The following NPHP3 variants were observed in gnomAD, a reference collection of about 807,000 sequenced individuals.
NPHP3 encodes the protein nephrocystin 3.
Under a neutral mutation model 171.9 loss-of-function variants are expected in NPHP3, and 123 were observed. The observed-to-expected ratio is 0.72, with a 90% CI of 0.62 to 0.83. The LOEUF is 0.83. Among genes scored for constraint, NPHP3 ranks in the 40% least tolerant of loss-of-function variants. The pLI, the probability that NPHP3 is intolerant of heterozygous loss-of-function variation, is 0.00. For missense variants in NPHP3, 1,506 were observed against 1,591.9 expected (o/e 0.95, Z 0.92); for synonymous variants, 558 against 579.2 (o/e 0.96, Z 0.52).
At chr3:132,685,085 G>A (rs1445187613) in intron 23 of NPHP3, 4 of 340,988 alleles carry the variant, frequency 1.2e-5, no homozygotes, top group Non-Finnish European at 2.2e-5. Context: ...AAAATTATTA[G>A]ACCTAGGTCC....
At chr3:132,682,468 T>C in intron 26 of NPHP3, 1 of 575,150 alleles carries the variant, frequency 1.7e-6, no homozygotes, top group Non-Finnish European at 3.1e-6. Context: ...AGATGTAGTA[T>C]AAACCATCCT....
Position 132,713,121 on chromosome 3 carries a change from C to T in NPHP3, c.1118+5G>A. ...TATAATAAATTACATTTTTTTTCAGCTTACCTTGGTAATGTTAAGTGAATA... is the reference window on the plus strand; with the variant it reads ...TATAATAAATTACATTTTTTTTCAGTTTACCTTGGTAATGTTAAGTGAATA... On this transcript the variant is annotated splice_donor_5th_base_variant and intron_variant, in intron 6 of 26. Transcript: ENST00000337331. The T allele has an allele frequency of 2.9e-6, 4 of 1,389,510 alleles. No individual in the cohort carries two copies. Among genetic ancestry groups the T allele is most frequent in the Non-Finnish European group, 4.0e-6 (4 of 1,000,446 alleles). The allele number at this position is 1,389,510 out of a possible 1,614,324, so 86.1% of individuals were successfully genotyped here.
Position 132,704,246 on chromosome 3 carries a change from T to A in NPHP3, c.1476A>T (p.Glu492Asp), listed in dbSNP as rs371254114. 1.6e-4 allele frequency: 266 copies of A among 1,614,098 alleles called. No individual in the cohort carries two copies. Among genetic ancestry groups the A allele is most frequent in the Non-Finnish European group, 2.2e-4 (264 of 1,180,042 alleles). ...WDIHDEQEQM[E>D]TFQQASNSAH... ...CTGAATTAGAAGCCTGCTGAAAAGT[T>A]TCCATTTGCTCTTGTTCATCATGTA... Residue 492 changes from glutamate (E) to aspartate (D), a missense_variant, in exon 9 of 27, where the codon GAA (glutamate) becomes GAT (aspartate). Transcript: ENST00000337331.
At chr3:132,714,366 C>T (rs972603788) in intron 5 of NPHP3, among the ~76,000 whole-genome samples, 4 of 152,112 alleles carry the variant, frequency 2.6e-5, no homozygotes, top group South Asian at 2.1e-4. Flanking sequence ...ATAACTCCAA[C>T]GGCTGCCTTG....
chr3:132,697,221 G>T, intron 14 of NPHP3, 39 bp downstream of exon 14: 1 of 1,281,576 alleles, frequency 7.8e-7, no homozygotes. Flanking sequence ...TAGGAAAGAT[G>T]AGAGAGTAAA....
intron 6 of NPHP3, 54 bp from the exon 7 acceptor site, chr3:132,708,311 T>TA: frequency 6.4e-7 from 1 of 1,562,420 alleles, no homozygotes; most frequent in Non-Finnish European, 8.8e-7. Context: ...CAGCAAGCAG[T>TA]TAGTTAATCA....
chr3:132,715,208 A>G lies in NPHP3; in HGVS notation c.834T>C (p.Asp278=), dbSNP rs1194128096. 1.2e-6 allele frequency: 2 copies of G among 1,611,820 alleles called. No homozygotes were observed. The highest frequency in any genetic ancestry group is 1.7e-6 in the Non-Finnish European group (2 of 1,178,056). ...PFANVNRDDW[D]IAVASLLQVT... ...CTTGTAATAAACTAGCTACAGCAAT[A>G]TCCCAGTCATCTGAAAATAAAATTT... is the stretch of plus-strand genomic sequence containing the variant. The change falls in exon 5 of 27, where the codon GAT becomes GAC. Residue 278 remains aspartate (D), a synonymous_variant. Transcript: ENST00000337331.
rs1278333789 is a variant in NPHP3, at chr3:132,704,268, T to C, written c.1454A>G (p.His485Arg). ...AGTTTCCATTTGCTCTTGTTCATCATGTATGTCCCACAGAACATCACCAAA... is the reference window on the plus strand; with the variant it reads ...AGTTTCCATTTGCTCTTGTTCATCACGTATGTCCCACAGAACATCACCAAA... ...DDFGDVLWDI[H>R]DEQEQMETFQ... The change falls in exon 9 of 27, where the codon CAT becomes CGT. Residue 485 changes from histidine (H) to arginine (R), a missense_variant. His to Arg is a conservative substitution (Grantham distance 29). Around this residue, in one of 3 missense-constraint regions of NPHP3, gnomAD observed 930 missense variants for 924.9 expected, o/e 1.01. Coordinates refer to ENST00000337331, the MANE Select transcript of NPHP3 (RefSeq NM_153240.5). The C allele has an allele frequency of 3.7e-6, 6 of 1,614,100 alleles. No individual in the cohort carries two copies. Among genetic ancestry groups the C allele is most frequent in the Non-Finnish European group, 5.1e-6 (6 of 1,180,042 alleles).
At chr3:132,698,314 G>C (rs1229239064) in intron 13 of NPHP3, among the ~76,000 whole-genome samples, 2 of 151,970 alleles carry the variant, frequency 1.3e-5, no homozygotes, top group Non-Finnish European at 2.9e-5. Flanking sequence ...TTTCACTCTT[G>C]TCGTCCAGGC....
rs758300357 is a variant in NPHP3, at chr3:132,684,597, A to G, written c.3527T>C (p.Leu1176Ser). The G allele has an allele frequency of 6.2e-7, 1 of 1,614,082 alleles. No homozygotes were observed. Among genetic ancestry groups the G allele is most frequent in the Non-Finnish European group, 8.5e-7 (1 of 1,179,930 alleles). Reference sequence around the variant, plus strand: ...GGCAAGATGCTTCACCGTATATGCCAAAGAAGGGTGATCAGGAGCTAATGC... The same window carrying G: ...GGCAAGATGCTTCACCGTATATGCCGAAGAAGGGTGATCAGGAGCTAATGC... ...RRALAPDHPS[L>S]AYTVKHLAIL... The change falls in exon 24 of 27, where the codon TTG becomes TCG. Residue 1176 changes from leucine (L) to serine (S), a missense_variant. Physicochemically the swap from Leu to Ser is moderately radical, Grantham distance 145 (BLOSUM62 -2). Around this residue, in one of 3 missense-constraint regions of NPHP3, gnomAD observed 569 missense variants for 648.1 expected, o/e 0.88. Coordinates refer to ENST00000337331, the MANE Select transcript of NPHP3 (RefSeq NM_153240.5).
At chr3:132,698,710 G>C in intron 13 of NPHP3, among the ~76,000 whole-genome samples, 1 of 152,088 alleles carries the variant, frequency 6.6e-6, no homozygotes, top group East Asian at 1.9e-4. Flanking sequence ...TCGTTACGTG[G>C]AGCTACTCAA....
chr3:132,716,111 T>C (rs1940044212), intron 4 of NPHP3, among the ~76,000 whole-genome samples: 2 of 152,246 alleles, frequency 1.3e-5, no homozygotes, highest in African/African-American at 2.4e-5. Context: ...TAGTATATTT[T>C]ATTTGTGGCC....
At chr3:132,698,637 A>G (rs138982806) in intron 13 of NPHP3, among the ~76,000 whole-genome samples, 12 of 152,224 alleles carry the variant, frequency 7.9e-5, no homozygotes, top group African/African-American at 2.9e-4. Context: ...ACAGGTGTCT[A>G]TTATTCCCAG....
At chr3:132,709,272 CTTTTTTTTTT>C (rs3046397) in intron 6 of NPHP3, among the ~76,000 whole-genome samples, 2 of 76,010 alleles carry the variant, frequency 2.6e-5, no homozygotes, top group African/African-American at 5.5e-5. Flanking sequence ...CTTTCTCTCC[CTTTTTTTTTT>C]TTTTTTTTTT....
At chr3:132,696,376 A>G (rs1007239890) in intron 15 of NPHP3, among the ~76,000 whole-genome samples, 3 of 152,248 alleles carry the variant, frequency 2.0e-5, no homozygotes, top group Non-Finnish European at 4.4e-5. Flanking sequence ...TCATATCCAT[A>G]TATCTACCTC....
rs977896910 is a variant in NPHP3 at position 132,682,787 on chromosome 3, T to G, written c.3728A>C (p.Glu1243Ala). 2 of 1,612,276 alleles carry G rather than the reference T, an allele frequency of 1.2e-6. No homozygotes were observed. Among genetic ancestry groups the G allele is most frequent in the Non-Finnish European group, 1.7e-6 (2 of 1,178,330 alleles). ...KKHVEALPLY[E>A]RALKIYEDSL... ...ATCTTCATAAATCTTTAATGCTCTTTCATATAATGGCAAAGCTTCAACGTG... is the reference window on the plus strand; with the variant it reads ...ATCTTCATAAATCTTTAATGCTCTTGCATATAATGGCAAAGCTTCAACGTG... Residue 1243 changes from glutamate to alanine, a missense_variant, in exon 26 of 27, where the codon GAA (glutamate) becomes GCA (alanine). Physicochemically the swap from Glu to Ala is moderately radical, Grantham distance 107. Transcript: ENST00000337331.
chr3:132,685,165 T>C (rs1187211542), intron 23 of NPHP3: 5 of 246,560 alleles, frequency 2.0e-5, no homozygotes, highest in Non-Finnish European at 4.0e-5. Context: ...TTTCTTTATT[T>C]TGTTTTTTTG....
At chr3:132,704,401 G>T in intron 8 of NPHP3, 30 bp from the exon 9 acceptor site, 2 of 1,613,454 alleles carry the variant, frequency 1.2e-6, no homozygotes, top group South Asian at 1.1e-5. Flanking sequence ...ACACAAAAAT[G>T]AATGAAGAAA....
At chr3:132,718,564 G>A (rs1940118329) in intron 3 of NPHP3, among the ~76,000 whole-genome samples, 1 of 152,184 alleles carries the variant, frequency 6.6e-6, no homozygotes, top group Non-Finnish European at 1.5e-5. Context: ...TTGGACACAT[G>A]TCTGCCTGGC....
Sources: allele counts gnomAD v4.1 joint callset (sites outside exome capture counted in the v4.1 genomes callset), GRCh38; gene constraint gnomAD v4.1.1; regional missense constraint gnomAD v4.1.1; transcripts MANE v1.5; gene names NCBI Gene and HGNC (gene_info 2026-07-23, HGNC 2026-07-21).